Variants in HUS1 observed in about 807,000 individuals in gnomAD.
HUS1 encodes HUS1 checkpoint clamp component.
A neutral mutation model predicts 32.6 loss-of-function variants in HUS1; 31 were observed. The ratio of observed to expected loss-of-function variants is 0.95; its 90% CI spans 0.72 to 1.28. HUS1 has a LOEUF of 1.28. HUS1 is among the 50% of genes most tolerant of loss of function. The pLI is 0.00. For synonymous variants in HUS1, 123 were observed against 116.6 expected, an observed-to-expected ratio of 1.06 and a Z score of -0.36; for missense variants, 340 against 337.7, an observed-to-expected ratio of 1.01 and a Z score of -0.05.
At chr7:47,967,704 T>G in intron 7 of HUS1, 102 bp downstream of exon 7, 1 of 1,036,016 alleles carries the variant, frequency 9.7e-7, no homozygotes, top group Non-Finnish European at 1.3e-6. Flanking sequence ...TTTTTTTTTT[T>G]TTTTGGATTT....
chr7:47,976,883 A>G, intron 3 of HUS1, 46 bp from the exon 4 acceptor site: 1 of 1,323,190 alleles, frequency 7.6e-7, no homozygotes, highest in South Asian at 1.2e-5. Flanking sequence ...GTTAATATTA[A>G]GCAACAACAA....
Position 47,978,721 on chromosome 7 carries a change from C to T in HUS1, c.148G>A (p.Gly50Arg). ...AGCTCACACCACATGCTCACTCCTC[C>T]ATTAGCCAGCTTGTCACAAAGGATG... is the stretch of plus-strand genomic sequence containing the variant. ...NFILCDKLAN[G>R]GVSMWCELEQ... The change falls in exon 2 of 8, where the codon GGA becomes AGA. Residue 50 changes from glycine to arginine, a missense_variant. Coordinates refer to ENST00000258774, the MANE Select transcript of HUS1 (RefSeq NM_004507.4). The T allele has an allele frequency of 6.2e-7, 1 of 1,614,196 alleles. No individual in the cohort carries two copies. Among genetic ancestry groups the T allele is most frequent in the African/African-American group, 1.3e-5 (1 of 75,034 alleles).
chr7:47,976,103 C>A, intron 4 of HUS1: 1 of 334,608 alleles, frequency 3.0e-6, no homozygotes. Flanking sequence ...AAAAACATGG[C>A]AGACAGTCAC....
Position 47,965,277 on chromosome 7 carries a change from G to T in HUS1, c.*79C>A. The T allele has an allele frequency of 1.1e-6, 1 of 896,828 alleles. No homozygotes were observed. The highest frequency in any genetic ancestry group is 1.9e-6 in the Non-Finnish European group (1 of 529,042). The allele number at this position is 896,828 out of a possible 1,614,324, so 55.6% of individuals were successfully genotyped here. ...CGATGTGCGGTGCTGTGAGGGCACA[G>T]ACCAGTGATCAGAACACAACACCTG... On this transcript the variant is annotated 3_prime_UTR_variant, in exon 8 of 8. Coordinates refer to ENST00000258774, the MANE Select transcript of HUS1 (RefSeq NM_004507.4).
intron 6 of HUS1, among the ~76,000 whole-genome samples, chr7:47,968,242 A>T (rs2128764719): frequency 6.6e-6 from 1 of 152,282 alleles, no homozygotes; most frequent in South Asian, 2.1e-4. Context: ...ACATTAACTA[A>T]TACAAGGCCT....
intron 5 of HUS1, chr7:47,971,235 C>T: frequency 4.2e-6 from 1 of 239,470 alleles, no homozygotes; most frequent in South Asian, 4.6e-5. Context: ...GAGAACATAG[C>T]CATTTATTTA....
intron 1 of HUS1, 165 bp downstream of exon 1, chr7:47,979,303 C>A (rs1269781843): frequency 4.8e-6 from 2 of 420,342 alleles, no homozygotes; most frequent in East Asian, 9.0e-5. Context: ...CGCGCCCTCC[C>A]GGCCCCACCC....
In HUS1 at chr7:47,975,747, A is replaced by G. The variant is rs1304903201; in HGVS notation, c.466-60T>C. On this transcript the variant is annotated intron_variant, in intron 4 of 7. Coordinates refer to ENST00000258774, the MANE Select transcript of HUS1 (RefSeq NM_004507.4). Reference sequence around the variant, plus strand: ...AAAATATTAATATACTCTAGTAATGACAAGGGCCCCATAACTAACTCTAGA... The same window carrying G: ...AAAATATTAATATACTCTAGTAATGGCAAGGGCCCCATAACTAACTCTAGA... The G allele has an allele frequency of 4.2e-6, 4 of 944,840 alleles. No individual in the cohort carries two copies. The African/African-American group carries it at 6.7e-5, about 16-fold the overall frequency. 58.5% of individuals were successfully genotyped at this position (944,840 alleles called of 1,614,324 possible). A position where few individuals can be genotyped will look rare whatever the true frequency, so the allele number is the denominator to read the frequency against.
At chr7:47,975,711 C>A in intron 4 of HUS1, 24 bp from the exon 5 acceptor site, 1 of 1,399,186 alleles carries the variant, frequency 7.1e-7, no homozygotes, top group Non-Finnish European at 1.0e-6. Flanking sequence ...GAGAAAAAAG[C>A]ACAAGTATTA....
Position 47,978,826 on chromosome 7 carries a change from G to A in HUS1, c.53-10C>T, listed in dbSNP as rs773843452. 4.3e-6 allele frequency: 7 copies of A among 1,612,138 alleles called. No individual in the cohort carries two copies. The African/African-American group carries it at 6.7e-5, about 15-fold the overall frequency. Reference sequence around the variant, plus strand: ...ATCATGTTACTGATTCCTAAAGCAGGGGTTAAAATAAGGAATTACTAAAAT... The same window carrying A: ...ATCATGTTACTGATTCCTAAAGCAGAGGTTAAAATAAGGAATTACTAAAAT... On this transcript the variant is annotated splice_polypyrimidine_tract_variant and intron_variant, in intron 1 of 7. Transcript: ENST00000258774.
intron 7 of HUS1, among the ~76,000 whole-genome samples, chr7:47,966,616 G>C (rs1788484387): frequency 6.6e-6 from 1 of 152,174 alleles, no homozygotes; most frequent in Admixed American, 6.5e-5. Context: ...TTGTACAGGA[G>C]CTTGGGAGAA....
Position 47,970,180 on chromosome 7 carries a change from C to A in HUS1, c.541-862G>T, listed in dbSNP as rs187532611. Among the ~76,000 whole-genome samples, 164 of 139,392 alleles carry A rather than the reference C, an allele frequency of 1.2e-3. 2 individuals are homozygous for A. Among genetic ancestry groups the A allele is most frequent in the African/African-American group, 4.1e-3 (154 of 37,670 alleles). 91.4% of individuals were successfully genotyped at this position (139,392 alleles called of 152,430 possible). A position where few individuals can be genotyped will look rare whatever the true frequency, so the allele number is the denominator to read the frequency against. On this transcript the variant is annotated intron_variant, in intron 5 of 7. Transcript: ENST00000258774. The stretch of plus-strand genomic sequence containing the variant: ...CCCGGGAGGCGGAACTTGCAGTGAG[C>A]CGAGATTGCGCCACTGCACTCCAGC...
In HUS1 at chr7:47,979,478, G is replaced by C; in HGVS notation, c.42C>G (p.Asn14Lys). 1 of 1,613,428 alleles carries C rather than the reference G, an allele frequency of 6.2e-7. No individual in the cohort carries two copies. The highest frequency in any genetic ancestry group is 8.5e-7 in the Non-Finnish European group (1 of 1,179,924). ...RAKIVDGACLNHFTRISNMIA... is the reference protein window; with the variant it reads ...RAKIVDGACLKHFTRISNMIA... The stretch of plus-strand genomic sequence containing the variant: ...GGCCTCCCTGCTCACGTGTGAAGTG[G>C]TTCAGACAGGCCCCGTCCACGATCT... Residue 14 changes from asparagine to lysine, a missense_variant, in exon 1 of 8, where the codon AAC becomes AAG. Physicochemically the swap from Asn to Lys is moderately conservative, Grantham distance 94. Coordinates refer to ENST00000258774, the MANE Select transcript of HUS1 (RefSeq NM_004507.4).
intron 6 of HUS1, 172 bp downstream of exon 6, chr7:47,969,047 C>A: frequency 1.8e-6 from 1 of 545,196 alleles, no homozygotes; most frequent in Non-Finnish European, 3.2e-6. Flanking sequence ...TGGCTAACTG[C>A]CCCACTACAC....
At chr7:47,966,293 G>A (rs547089831) in intron 7 of HUS1, among the ~76,000 whole-genome samples, 1 of 152,256 alleles carries the variant, frequency 6.6e-6, no homozygotes, top group South Asian at 2.1e-4. Flanking sequence ...GGTATGAGAA[G>A]TTCAACCCAC....
chr7:47,974,416 T>C (rs1680703120), intron 5 of HUS1, among the ~76,000 whole-genome samples: 1 of 152,144 alleles, frequency 6.6e-6, no homozygotes, highest in South Asian at 2.1e-4. Context: ...TGAGAATGGC[T>C]AAGTGCCTTC....
intron 5 of HUS1, among the ~76,000 whole-genome samples, chr7:47,969,840 A>G (rs1788558003): frequency 1.3e-5 from 2 of 152,224 alleles, no homozygotes; most frequent in African/African-American, 2.4e-5. Flanking sequence ...GCATGTTTTA[A>G]TATTTTGTGG....
At chr7:47,969,341 A>G in intron 5 of HUS1, 23 bp from the exon 6 acceptor site, 1 of 1,364,876 alleles carries the variant, frequency 7.3e-7, no homozygotes, top group Non-Finnish European at 1.0e-6. Flanking sequence ...TATTTTACAT[A>G]GTCTTAGAAA....
At chr7:47,966,687 C>T (rs3176595) in intron 7 of HUS1, among the ~76,000 whole-genome samples, 28,031 of 152,090 alleles carry the variant, frequency 0.18, 3,581 homozygotes, top group African/African-American at 0.37. Flanking sequence ...GACCTTCAGG[C>T]GATCTCCATG....
Sources: gnomAD v4.1 joint callset for allele counts (sites outside exome capture counted in the v4.1 genomes callset) on GRCh38, gnomAD v4.1.1 for gene constraint, MANE v1.5 for transcripts, NCBI Gene and HGNC (gene_info 2026-07-23, HGNC 2026-07-21) for gene names.